The following TENM2 variants were observed in gnomAD, a reference collection of about 807,000 sequenced individuals.
The protein encoded by TENM2 is teneurin-2.
Under a neutral mutation model 245.2 loss-of-function variants are expected in TENM2, and 52 were observed. The ratio of observed to expected loss-of-function variants is 0.21; its 90% CI spans 0.17 to 0.27. The LOEUF is 0.27. TENM2 is among the 10% of genes least tolerant of loss of function. The pLI is 1.00. For synonymous variants in TENM2, 1,363 were observed against 1,438.9 expected (o/e 0.95, Z 1.19); for missense variants, 3,046 against 3,666.8 (o/e 0.83, Z 4.37).
chr5:167,059,997 C>G, the TENM2 span, among the ~76,000 whole-genome samples: 1 of 151,966 alleles, frequency 6.6e-6, no homozygotes, highest in African/African-American at 2.4e-5. Context: ...GCCACCGTGC[C>G]CAGCCAGAAT....
upstream of TENM2, among the ~76,000 whole-genome samples, chr5:167,283,327 G>A (rs1004089127): frequency 5.3e-5 from 8 of 152,012 alleles, no homozygotes; most frequent in Non-Finnish European, 7.4e-5. Context: ...ATGAGCCACC[G>A]CGCCCAGCCA....
At chr5:167,984,312 G>A (rs1583569378) in intron 4 of TENM2, among the ~76,000 whole-genome samples, 1 of 152,192 alleles carries the variant, frequency 6.6e-6, no homozygotes, top group South Asian at 2.1e-4. Flanking sequence ...AACATCAGAT[G>A]TTTACCAGTC....
intron 25 of TENM2, among the ~76,000 whole-genome samples, chr5:168,238,186 G>A (rs201184951): frequency 0.035 from 1,242 of 35,074 alleles, 22 homozygotes; most frequent in African/African-American, 0.12. Context: ...AGAGAGAGAG[G>A]GAGGGAGGGA....
At chr5:167,871,851 T>C (rs535329488) in intron 2 of TENM2, among the ~76,000 whole-genome samples, 1 of 152,260 alleles carries the variant, frequency 6.6e-6, no homozygotes, top group African/African-American at 2.4e-5. Context: ...AATCAAAATT[T>C]ATAAAGTGAG....
At chr5:167,524,673 G>C (rs982355969) in intron 2 of TENM2, among the ~76,000 whole-genome samples, 9 of 151,852 alleles carry the variant, frequency 5.9e-5, no homozygotes, top group Admixed American at 1.3e-4. Context: ...CATCTAGAAA[G>C]CTTTCAAAAA....
intron 25 of TENM2, among the ~76,000 whole-genome samples, chr5:168,228,996 T>TATA (rs908675908): frequency 7.7e-4 from 114 of 148,002 alleles, no homozygotes; most frequent in African/African-American, 2.5e-3. Context: ...AATATACATA[T>TATA]ATAATACATT....
intron 2 of TENM2, among the ~76,000 whole-genome samples, chr5:167,517,769 G>T (rs552916292): frequency 1.4e-4 from 21 of 152,092 alleles, no homozygotes; most frequent in African/African-American, 5.1e-4. Flanking sequence ...TCTTGCAAAG[G>T]CTGATACCAT....
chr5:167,758,731 CT>C (rs1418623237), intron 2 of TENM2, among the ~76,000 whole-genome samples: 1 of 152,028 alleles, frequency 6.6e-6, no homozygotes, highest in Non-Finnish European at 1.5e-5. Flanking sequence ...AAAAAATTCG[CT>C]GATTTTCTCG....
chr5:168,166,319 A>C (rs1014501962), intron 13 of TENM2, among the ~76,000 whole-genome samples: 5 of 152,198 alleles, frequency 3.3e-5, no homozygotes, highest in Admixed American at 1.3e-4. Context: ...GGAAAAGACA[A>C]ATCACTTTTC....
At chr5:168,051,153 A>T (rs1789051140) in intron 6 of TENM2, among the ~76,000 whole-genome samples, 1 of 152,224 alleles carries the variant, frequency 6.6e-6, no homozygotes, top group Admixed American at 6.5e-5. Flanking sequence ...CATCATACGT[A>T]CCCAATTTGT....
chr5:167,669,707 C>G (rs1400391595), intron 2 of TENM2, among the ~76,000 whole-genome samples: 1 of 152,016 alleles, frequency 6.6e-6, no homozygotes, highest in Non-Finnish European at 1.5e-5. Flanking sequence ...TTGTACTTTA[C>G]TGGGGACAGA....
exon 27 of TENM2, chr5:168,246,763 G>A (rs1171117885): frequency 6.2e-7 from 1 of 1,613,360 alleles, no homozygotes; most frequent in South Asian, 1.1e-5. Flanking sequence ...GCAGTCCATG[G>A]TCCTCCTGCT....
In TENM2 at chr5:168,126,849, G is replaced by A. The variant is rs368507082; in HGVS notation, c.2305G>A (p.Val769Met). Residue 769 changes from valine to methionine, a missense_variant, in exon 12 of 29, where the codon GTG (valine) becomes ATG (methionine). By Grantham distance (21) the Val-to-Met change is conservative (BLOSUM62 1). Coordinates refer to ENST00000518659, the Ensembl canonical transcript of TENM2. ...GACAGGCGCAGCGTGTGACCAGCGC[G>A]TGTGCCACCCCCGCTGCATTGAGCA... 115 of 1,610,764 alleles carry A rather than the reference G, an allele frequency of 7.1e-5. 1 individual carries two copies. Among genetic ancestry groups the A allele is most frequent in the East Asian group, 4.0e-4 (18 of 44,784 alleles).
intron 2 of TENM2, among the ~76,000 whole-genome samples, chr5:167,443,594 T>C (rs1246164744): frequency 2.0e-5 from 3 of 152,206 alleles, no homozygotes; most frequent in African/African-American, 7.2e-5. Flanking sequence ...CTTTTAGTAA[T>C]TCTCTTAGCA....
At chr5:167,198,828 A>G in the TENM2 span, among the ~76,000 whole-genome samples, 3 of 151,994 alleles carry the variant, frequency 2.0e-5, no homozygotes, top group Non-Finnish European at 4.4e-5. Flanking sequence ...AGCTTAGAGA[A>G]ACAGCTTGCT....
the TENM2 span, chr5:167,165,069 G>A: frequency 6.6e-6 from 1 of 152,310 alleles, no homozygotes; most frequent in Admixed American, 6.5e-5. Context: ...CTCTTTTGGA[G>A]TGCGTTGAAT....
At chr5:168,031,659 GA>G (rs1391754992) in intron 5 of TENM2, among the ~76,000 whole-genome samples, 1 of 138,348 alleles carries the variant, frequency 7.2e-6, no homozygotes, top group Non-Finnish European at 1.6e-5. Flanking sequence ...AAAACTGAAG[GA>G]AAAGAAAGAG....
chr5:167,826,214 C>T (rs1008448862), intron 2 of TENM2, among the ~76,000 whole-genome samples: 5 of 152,186 alleles, frequency 3.3e-5, no homozygotes, highest in South Asian at 2.1e-4. Context: ...CATATGCCAG[C>T]AATAAAAAGA....
At chr5:167,318,908 T>C (rs1756543692) in intron 1 of TENM2, among the ~76,000 whole-genome samples, 2 of 152,220 alleles carry the variant, frequency 1.3e-5, no homozygotes, top group African/African-American at 2.4e-5. Context: ...CTTAGAGTTG[T>C]CTTCCATTAA....
Sources: gnomAD v4.1 joint callset for allele counts (sites outside exome capture counted in the v4.1 genomes callset) on GRCh38, gnomAD v4.1.1 for gene constraint, MANE v1.5 for transcripts, NCBI Gene and HGNC (gene_info 2026-07-23, HGNC 2026-07-21) for gene names.